The following MCPH1 variants were observed in gnomAD, a reference collection of about 807,000 sequenced individuals.
MCPH1 encodes the protein microcephalin 1.
Under a neutral mutation model 84.5 loss-of-function variants are expected in MCPH1, and 104 were observed. The ratio of observed to expected loss-of-function variants is 1.23; its 90% CI spans 1.05 to 1.45. MCPH1 has a LOEUF of 1.45. MCPH1 is among the 40% of genes most tolerant of loss of function. The pLI, the probability that MCPH1 is intolerant of heterozygous loss-of-function variation, is 0.00. For missense variants in MCPH1, 1,498 were observed against 1,005.7 expected (o/e 1.49, Z -6.62); for synonymous variants, 514 against 366.8 (o/e 1.40, Z -4.58).
intron 3 of MCPH1, among the ~76,000 whole-genome samples, chr8:6,420,159 G>A (rs945890118): frequency 1.3e-5 from 2 of 151,760 alleles, no homozygotes; most frequent in African/African-American, 2.4e-5. Context: ...TTGGTTCAAG[G>A]GCTGCCACTC....
chr8:6,636,030 G>C (rs1797523585), intron 13 of MCPH1, among the ~76,000 whole-genome samples: 4 of 152,198 alleles, frequency 2.6e-5, no homozygotes, highest in Admixed American at 2.6e-4. Flanking sequence ...ATGACTGCTT[G>C]GTAGTAGCAT....
intron 2 of MCPH1, among the ~76,000 whole-genome samples, chr8:6,412,810 G>T (rs558328112): frequency 7.2e-5 from 11 of 152,056 alleles, no homozygotes; most frequent in Non-Finnish European, 1.3e-4. Context: ...ACTTGATGGG[G>T]GTGTGGAAAT....
chr8:6,409,938 G>A (rs1798303162), intron 2 of MCPH1, among the ~76,000 whole-genome samples: 1 of 151,982 alleles, frequency 6.6e-6, no homozygotes, highest in Non-Finnish European at 1.5e-5. Flanking sequence ...AATGCCAGGA[G>A]AAGGAGAAAG....
intron 12 of MCPH1, among the ~76,000 whole-genome samples, chr8:6,558,638 C>T (rs1825028901): frequency 6.6e-6 from 1 of 152,104 alleles, no homozygotes; most frequent in Admixed American, 6.6e-5. Context: ...AGTATTTAGA[C>T]TATATGGATT....
intron 12 of MCPH1, chr8:6,508,899 A>G (rs1814350195): frequency 5.0e-6 from 8 of 1,613,876 alleles, no homozygotes; most frequent in Non-Finnish European, 5.9e-6. Flanking sequence ...ATTCCTTGCC[A>G]ATACAAATAG....
intron 2 of MCPH1, among the ~76,000 whole-genome samples, chr8:6,413,092 A>T (rs563452748): frequency 2.6e-5 from 4 of 152,354 alleles, no homozygotes; most frequent in Non-Finnish European, 5.9e-5. Flanking sequence ...AAGGATACAT[A>T]AAAGGTAAAA....
At chr8:6,517,315 G>A (rs978940983) in intron 12 of MCPH1, among the ~76,000 whole-genome samples, 1 of 152,160 alleles carries the variant, frequency 6.6e-6, no homozygotes, top group Non-Finnish European at 1.5e-5. Context: ...TACTTGACTT[G>A]CTTCAACTCT....
At chr8:6,468,395 T>A (rs757337799) in intron 9 of MCPH1, among the ~76,000 whole-genome samples, 8 of 152,084 alleles carry the variant, frequency 5.3e-5, no homozygotes, top group Non-Finnish European at 1.2e-4. Context: ...GCAGGCTTAT[T>A]CTTACTCTCC....
intron 12 of MCPH1, among the ~76,000 whole-genome samples, chr8:6,534,576 T>C (rs558961630): frequency 1.3e-3 from 200 of 152,310 alleles, no homozygotes; most frequent in African/African-American, 4.6e-3. Context: ...GCTGAAGCCT[T>C]AGTTTTCCAT....
At chr8:6,601,750 ACC>A (rs1491153383) in intron 12 of MCPH1, among the ~76,000 whole-genome samples, 1 of 30,236 alleles carries the variant, frequency 3.3e-5, no homozygotes, top group Non-Finnish European at 1.2e-4. Flanking sequence ...ATATACCCAC[ACC>A]ACACACACAC....
At chr8:6,597,646 G>A (rs1287147421) in intron 12 of MCPH1, among the ~76,000 whole-genome samples, 1 of 152,138 alleles carries the variant, frequency 6.6e-6, no homozygotes. Context: ...AGGGCTCAGC[G>A]CTAGGAAGGG....
rs972976714 is a variant in MCPH1, at chr8:6,643,140, A to T, written c.*91A>T. The stretch of plus-strand genomic sequence containing the variant: ...AGAAACAAAACTGTGAAGAGAAGGA[A>T]CTGGCGTATACAAGATGACTTCTGA... On this transcript the variant is annotated 3_prime_UTR_variant, in exon 14 of 14. Transcript: ENST00000344683. The T allele has an allele frequency of 5.7e-5, 62 of 1,095,652 alleles. No individual in the cohort carries two copies. The highest frequency in any genetic ancestry group is 8.3e-5 in the Non-Finnish European group (60 of 721,076). 67.9% of individuals were successfully genotyped at this position (1,095,652 alleles called of 1,614,324 possible).
rs1396686889 is a variant in MCPH1 at position 6,645,670 on chromosome 8, C to A, written c.*2621C>A. On this transcript the variant is annotated 3_prime_UTR_variant, in exon 14 of 14. Transcript: ENST00000344683. ...ACAAGTTTAGCAAGATTGCAATATA[C>A]AATCTTGCAATCTTCCTAAAGATTA... The A allele has an allele frequency of 1.5e-5, 2 of 134,746 alleles. No homozygotes were observed. The highest frequency in any genetic ancestry group is 2.5e-4 in the South Asian group (1 of 4,072). 8.3% of individuals were successfully genotyped at this position (134,746 alleles called of 1,614,324 possible). A position where few individuals can be genotyped will look rare whatever the true frequency, so the allele number is the denominator to read the frequency against.
chr8:6,544,822 C>T (rs914267486), intron 12 of MCPH1, among the ~76,000 whole-genome samples: 1 of 152,136 alleles, frequency 6.6e-6, no homozygotes, highest in East Asian at 1.9e-4. Flanking sequence ...GCTGAACTGT[C>T]GACATCAGGA....
intron 13 of MCPH1, chr8:6,625,842 C>T (rs547343739): frequency 1.0e-6 from 1 of 985,358 alleles, no homozygotes; most frequent in South Asian, 4.7e-5. Flanking sequence ...TGTATCTTAA[C>T]AGTCTTGTTT....
At chr8:6,549,851 AATTTT>A (rs1371161332) in intron 12 of MCPH1, among the ~76,000 whole-genome samples, 1 of 152,220 alleles carries the variant, frequency 6.6e-6, no homozygotes, top group Non-Finnish European at 1.5e-5. Context: ...AAGATTTGTG[AATTTT>A]ATTCTGTGTA....
intron 8 of MCPH1, among the ~76,000 whole-genome samples, chr8:6,448,740 T>C (rs1804721808): frequency 6.6e-6 from 1 of 152,230 alleles, no homozygotes; most frequent in Admixed American, 6.5e-5. Flanking sequence ...GTATGTCATA[T>C]ATTTACATAT....
rs1172413962 is a variant in MCPH1, at chr8:6,499,939, A to T, written c.2214+10A>T. Reference sequence around the variant, plus strand: ...CTTCCCTGCAGCTCCCGTAAGTCAGATGTTGTTTTACGATGGTAAATGCAG... The same window carrying T: ...CTTCCCTGCAGCTCCCGTAAGTCAGTTGTTGTTTTACGATGGTAAATGCAG... On this transcript the variant is annotated intron_variant, in intron 12 of 13. Coordinates refer to ENST00000344683, the MANE Select transcript of MCPH1 (RefSeq NM_024596.5). The T allele has an allele frequency of 1.2e-6, 2 of 1,610,684 alleles. No individual in the cohort carries two copies. The highest frequency in any genetic ancestry group is 1.7e-6 in the Non-Finnish European group (2 of 1,177,286).
At chr8:6,624,429 C>G (rs1476918650) in intron 13 of MCPH1, among the ~76,000 whole-genome samples, 1 of 152,164 alleles carries the variant, frequency 6.6e-6, no homozygotes, top group Non-Finnish European at 1.5e-5. Context: ...GTGGGCGTCT[C>G]CAGTGTAGTG....
Sources: gnomAD v4.1 joint callset for allele counts (sites outside exome capture counted in the v4.1 genomes callset) on GRCh38, gnomAD v4.1.1 for gene constraint, MANE v1.5 for transcripts, NCBI Gene and HGNC (gene_info 2026-07-23, HGNC 2026-07-21) for gene names.